The following GALNT13 variants were observed in gnomAD, a reference collection of about 807,000 sequenced individuals.
GALNT13 encodes the protein polypeptide N-acetylgalactosaminyltransferase 13, also known as UDP-GalNAc:polypeptide N-acetylgalactosaminyltransferase 13.
A neutral mutation model predicts 64.2 loss-of-function variants in GALNT13; 28 were observed. The observed-to-expected ratio is 0.44, with a 90% CI of 0.32 to 0.60. The LOEUF is 0.60. GALNT13 is among the 20% of genes least tolerant of loss of function. GALNT13 has a pLI of 0.05. For synonymous variants in GALNT13, 214 were observed against 224.6 expected (o/e 0.95, Z 0.42); for missense variants, 577 against 669.8 (o/e 0.86, Z 1.53).
chr2:154,258,493 T>TA (rs11338949), intron 7 of GALNT13, among the ~76,000 whole-genome samples: 4 of 151,808 alleles, frequency 2.6e-5, no homozygotes, highest in South Asian at 2.1e-4. Flanking sequence ...GCCCTTATGT[T>TA]AAAAAAAATA....
At chr2:154,002,299 G>A (rs775909881) in intron 3 of GALNT13, among the ~76,000 whole-genome samples, 7 of 151,870 alleles carry the variant, frequency 4.6e-5, no homozygotes, top group Non-Finnish European at 8.8e-5. Flanking sequence ...TAATAGAAAG[G>A]TTTATTCCCT....
chr2:153,480,680 C>T, the GALNT13 span, among the ~76,000 whole-genome samples: 2 of 151,980 alleles, frequency 1.3e-5, no homozygotes, highest in African/African-American at 2.4e-5. Flanking sequence ...AAAATTACAA[C>T]AAATTTAAGG....
chr2:154,023,226 A>C (rs547097842), intron 3 of GALNT13, among the ~76,000 whole-genome samples: 3 of 152,266 alleles, frequency 2.0e-5, no homozygotes, highest in East Asian at 3.9e-4. Context: ...TGCAGAGCTG[A>C]GTTCAATTCC....
chr2:154,057,519 G>T (rs1434119871), intron 3 of GALNT13, among the ~76,000 whole-genome samples: 1 of 152,092 alleles, frequency 6.6e-6, no homozygotes, highest in Non-Finnish European at 1.5e-5. Flanking sequence ...AATAGCCGTT[G>T]CCCTGGAAAA....
chr2:153,711,241 A>T, the GALNT13 span, among the ~76,000 whole-genome samples: 1 of 152,132 alleles, frequency 6.6e-6, no homozygotes, highest in Non-Finnish European at 1.5e-5. Flanking sequence ...GCCTAAATCT[A>T]TGGCTTTATA....
chr2:154,242,890 G>C lies in GALNT13; in HGVS notation c.671G>C (p.Arg224Thr). 6.2e-7 allele frequency: 1 copy of C among 1,613,982 alleles called. No homozygotes were observed. Among genetic ancestry groups the C allele is most frequent in the East Asian group, 2.2e-5 (1 of 44,838 alleles). ...TLGWLEPLLA[R>T]IKEDRKTVVC... ...GGATGGCTGGAGCCTTTGCTGGCAA[G>C]AATAAAGGAAGACAGGTAAGAATTT... The change falls in exon 6 of 13, where the codon AGA becomes ACA. Residue 224 changes from arginine (R) to threonine (T), a missense_variant. Around this residue, in one of 3 missense-constraint regions of GALNT13, gnomAD observed 341 missense variants for 379.3 expected, o/e 0.90. Coordinates refer to ENST00000392825, the MANE Select transcript of GALNT13 (RefSeq NM_052917.4).
At chr2:153,211,253 C>T in the GALNT13 span, among the ~76,000 whole-genome samples, 1 of 151,838 alleles carries the variant, frequency 6.6e-6, no homozygotes, top group Non-Finnish European at 1.5e-5. Flanking sequence ...AGCAATTCTC[C>T]TGCCTCAGCC....
the GALNT13 span, among the ~76,000 whole-genome samples, chr2:153,624,825 CTG>C: frequency 0.014 from 1,662 of 122,924 alleles, 30 homozygotes; most frequent in African/African-American, 0.048. Context: ...AACTGGAAAA[CTG>C]TTTTTATAGA....
intron 7 of GALNT13, among the ~76,000 whole-genome samples, chr2:154,249,727 CAA>C (rs1559048275): frequency 6.6e-6 from 1 of 151,966 alleles, no homozygotes; most frequent in Non-Finnish European, 1.5e-5. Flanking sequence ...TAAAGTAAAA[CAA>C]AAGAGTTTTA....
chr2:153,630,742 TA>T, the GALNT13 span, among the ~76,000 whole-genome samples: 73 of 111,164 alleles, frequency 6.6e-4, 1 homozygote, highest in East Asian at 2.7e-3. Flanking sequence ...CCTGAAACCA[TA>T]AAAAAAAATT....
chr2:153,544,831 A>G, the GALNT13 span, among the ~76,000 whole-genome samples: 1 of 152,224 alleles, frequency 6.6e-6, no homozygotes, highest in Non-Finnish European at 1.5e-5. Flanking sequence ...CTTTGCAGAA[A>G]AGGAATGGAA....
chr2:154,019,949 G>A (rs1020225922), intron 3 of GALNT13, among the ~76,000 whole-genome samples: 3 of 151,870 alleles, frequency 2.0e-5, no homozygotes, highest in African/African-American at 7.3e-5. Context: ...AGAACATGTG[G>A]TGTTTGGTTT....
At chr2:154,316,805 A>G (rs72997397) in intron 9 of GALNT13, among the ~76,000 whole-genome samples, 19,961 of 152,184 alleles carry the variant, frequency 0.13, 1,681 homozygotes, top group East Asian at 0.41. Context: ...TCCAATCAGC[A>G]TATAAATTTG....
intron 1 of GALNT13, among the ~76,000 whole-genome samples, chr2:153,894,342 C>T (rs9636326): frequency 0.14 from 21,557 of 151,888 alleles, 1,739 homozygotes; most frequent in South Asian, 0.21. Context: ...CAACATGGCA[C>T]CTAACCATGA....
the GALNT13 span, among the ~76,000 whole-genome samples, chr2:153,388,479 T>C: frequency 2.0e-5 from 3 of 152,026 alleles, no homozygotes; most frequent in East Asian, 5.8e-4. Flanking sequence ...AGCATTTAGT[T>C]TGGTGCCAGG....
chr2:153,311,663 C>T, the GALNT13 span, among the ~76,000 whole-genome samples: 78 of 152,294 alleles, frequency 5.1e-4, no homozygotes, highest in Middle Eastern at 0.01. Context: ...CTCATAGCCG[C>T]CTCCACAGGG....
Position 154,298,577 on chromosome 2 carries a change from GTATATATAATTTA to G in GALNT13, c.976-2825_976-2813del, listed in dbSNP as rs1559075509. On this transcript the variant is annotated intron_variant, in intron 8 of 12. Coordinates refer to ENST00000392825, the MANE Select transcript of GALNT13 (RefSeq NM_052917.4). ...TGTATATATAATTTATATATAAATT[GTATATATAATTTA>G]TATATACAATGTATATATTAATTTA... 7.3e-4 allele frequency among the ~76,000 whole-genome samples: 36 copies of G among 49,144 alleles called. 4 individuals carry two copies. The highest frequency in any genetic ancestry group is 2.5e-3 in the African/African-American group (33 of 13,346). 32.2% of individuals were successfully genotyped at this position (49,144 alleles called of 152,430 possible).
intron 9 of GALNT13, among the ~76,000 whole-genome samples, chr2:154,330,987 GATAT>G (rs1203273850): frequency 6.6e-6 from 1 of 152,044 alleles, no homozygotes; most frequent in Non-Finnish European, 1.5e-5. Flanking sequence ...AAGGACAAAA[GATAT>G]AGGAGTAAAC....
chr2:153,998,822 G>A (rs1695699751), intron 3 of GALNT13, among the ~76,000 whole-genome samples: 1 of 152,028 alleles, frequency 6.6e-6, no homozygotes, highest in Admixed American at 6.6e-5. Flanking sequence ...TTTATAAGGT[G>A]TGAGGGAAGG....
Sources: allele counts gnomAD v4.1 joint callset (sites outside exome capture counted in the v4.1 genomes callset), GRCh38; gene constraint gnomAD v4.1.1; regional missense constraint gnomAD v4.1.1; transcripts MANE v1.5; gene names NCBI Gene and HGNC (gene_info 2026-07-23, HGNC 2026-07-21).